Variants in GLT8D2 observed in about 807,000 individuals in gnomAD.
GLT8D2 encodes the protein glycosyltransferase 8 domain-containing protein 2.
GLT8D2 carries 45 observed loss-of-function variants against 44.5 expected under a neutral mutation model. The observed-to-expected ratio is 1.01, with a 90% CI of 0.80 to 1.30. The LOEUF (loss-of-function observed/expected upper bound fraction) is 1.30. Among genes scored for constraint, GLT8D2 ranks in the 50% most tolerant of loss-of-function variants. The pLI is 0.00. For synonymous variants in GLT8D2, 156 were observed against 157.2 expected (o/e 0.99, Z 0.06); for missense variants, 400 against 430.4 (o/e 0.93, Z 0.62).
upstream of GLT8D2, among the ~76,000 whole-genome samples, chr12:104,054,179 C>T (rs1392880756): frequency 6.6e-6 from 1 of 152,040 alleles, no homozygotes; most frequent in Non-Finnish European, 1.5e-5. Context: ...TTCCCCATCC[C>T]CTCACCCTAG....
At chr12:104,022,054 A>G (rs1283463019) in intron 1 of GLT8D2, among the ~76,000 whole-genome samples, 1 of 127,622 alleles carries the variant, frequency 7.8e-6, no homozygotes, top group African/African-American at 3.8e-5. Flanking sequence ...GAAGAAGAAG[A>G]AGGGAAAGAA....
At chr12:104,041,065 G>A (rs1009416556) in intron 1 of GLT8D2, among the ~76,000 whole-genome samples, 1 of 151,982 alleles carries the variant, frequency 6.6e-6, no homozygotes, top group African/African-American at 2.4e-5. Flanking sequence ...TCAGGAGTTC[G>A]AGACCAGCCT....
In GLT8D2 at chr12:104,014,770, G is replaced by T. The variant is rs138775577; in HGVS notation, c.112+243C>A. 3.3e-5 allele frequency among the ~76,000 whole-genome samples: 5 copies of T among 152,246 alleles called. No individual in the cohort carries two copies. In the East Asian group the frequency reaches 5.8e-4, roughly 18 times the overall value. On this transcript the variant is annotated intron_variant, in intron 4 of 10. Transcript: ENST00000360814. ...CTACTGATCCTACACCTCACGGGTG[G>T]GCCCAGTGCTGTGTTTTAACAAGCT...
chr12:104,063,292 C>T (rs887877343), intron 1 of GLT8D2, among the ~76,000 whole-genome samples: 72 of 152,196 alleles, frequency 4.7e-4, no homozygotes, highest in African/African-American at 1.7e-3. Flanking sequence ...AAAATCTACT[C>T]ATTTGGCATG....
Position 104,015,028 on chromosome 12 carries a change from G to T in GLT8D2, c.97C>A (p.Pro33Thr). 6.2e-7 allele frequency: 1 copy of T among 1,611,964 alleles called. No individual in the cohort carries two copies. The change falls in exon 4 of 11, where the codon CCC becomes ACC. Residue 33 changes from proline to threonine, a missense_variant. By Grantham distance (38) the Pro-to-Thr change is conservative. Coordinates refer to ENST00000360814, the MANE Select transcript of GLT8D2 (RefSeq NM_001384711.1). ...LYKKVHKGTV[P>T]KNDADDESET... is the part of the protein sequence containing the mutation. Reference sequence around the variant, plus strand: ...GTCTGCTCACCTGCGTCATTCTTGGGCACAGTCCCCTTATGAACTTTCTTA... The same window carrying T: ...GTCTGCTCACCTGCGTCATTCTTGGTCACAGTCCCCTTATGAACTTTCTTA...
chr12:104,016,870 GAAA>G (rs1876918673), intron 3 of GLT8D2, among the ~76,000 whole-genome samples: 1 of 147,416 alleles, frequency 6.8e-6, no homozygotes, highest in African/African-American at 2.5e-5. Context: ...AAGAAAGAAA[GAAA>G]GAAAGAAAGA....
At chr12:104,004,962 C>G (rs968298321) in intron 4 of GLT8D2, among the ~76,000 whole-genome samples, 3 of 152,084 alleles carry the variant, frequency 2.0e-5, no homozygotes, top group African/African-American at 7.2e-5. Flanking sequence ...GGAGGCATCA[C>G]GCTACCTGAC....
At chr12:104,045,957 A>AAAAGAAAGAAAGAAAG (rs1566213383) in intron 1 of GLT8D2, among the ~76,000 whole-genome samples, 2 of 119,278 alleles carry the variant, frequency 1.7e-5, no homozygotes, top group African/African-American at 3.3e-5. Flanking sequence ...AAGAAAGAAA[A>AAAAGAAAGAAAGAAAG]TAAGAAAGAA....
intron 4 of GLT8D2, among the ~76,000 whole-genome samples, chr12:104,004,869 T>C (rs1367146767): frequency 1.3e-5 from 2 of 152,052 alleles, no homozygotes; most frequent in African/African-American, 4.8e-5. Context: ...TTCACAGAAT[T>C]GGAAAAAAAT....
chr12:104,003,375 T>C (rs761652590), intron 4 of GLT8D2, 69 bp from the exon 5 acceptor site: 7 of 1,332,446 alleles, frequency 5.3e-6, no homozygotes, highest in Non-Finnish European at 7.5e-6. Context: ...TAATGCATCT[T>C]CCATACTCCT....
Position 104,021,962 on chromosome 12 carries a change from AGAGGAAGAGGAAGAG to A in GLT8D2, c.-163-486_-163-472del, listed in dbSNP as rs1566202582. 4.7e-4 allele frequency among the ~76,000 whole-genome samples: 24 copies of A among 51,396 alleles called. 3 individuals carry two copies. Among genetic ancestry groups the A allele is most frequent in the Admixed American group, 6.9e-4 (3 of 4,376 alleles). The allele number at this position is 51,396 out of a possible 152,430, so 33.7% of individuals were successfully genotyped here. On this transcript the variant is annotated intron_variant, in intron 1 of 10. Transcript: ENST00000360814. ...AAGAAGAAGAAGAAGAAGAGGAAGA[AGAGGAAGAGGAAGAG>A]GAAGAGGAAGAAGAAGAAGAAGAAG...
intron 1 of GLT8D2, among the ~76,000 whole-genome samples, chr12:104,024,101 G>T (rs1593552920): frequency 6.6e-6 from 1 of 152,154 alleles, no homozygotes; most frequent in South Asian, 2.1e-4. Context: ...GCCAATCTAG[G>T]CTGGCTGCCG....
chr12:104,031,466 A>G lies in GLT8D2; in HGVS notation c.-163-9975T>C, dbSNP rs1468927548. Reference sequence around the variant, plus strand: ...CAAGAACTTGAAGCCTATCAAGCCCATGCAGTTTCTGGGGGATGAGGAGAC... The same window carrying G: ...CAAGAACTTGAAGCCTATCAAGCCCGTGCAGTTTCTGGGGGATGAGGAGAC... On this transcript the variant is annotated intron_variant, in intron 1 of 10. Coordinates refer to ENST00000360814, the MANE Select transcript of GLT8D2 (RefSeq NM_001384711.1). 16 of 1,613,188 alleles carry G rather than the reference A, an allele frequency of 9.9e-6. No individual in the cohort carries two copies. In the Admixed American group the frequency reaches 2.7e-4, roughly 27 times the overall value.
upstream of GLT8D2, among the ~76,000 whole-genome samples, chr12:104,050,580 G>A (rs1881614926): frequency 6.6e-6 from 1 of 152,140 alleles, no homozygotes; most frequent in Admixed American, 6.5e-5. Context: ...AATCAGAGAG[G>A]AATGAGGCAG....
chr12:104,021,956 G>GAGGAA (rs1877845952), intron 1 of GLT8D2, among the ~76,000 whole-genome samples: 3 of 25,960 alleles, frequency 1.2e-4, no homozygotes, highest in African/African-American at 1.7e-4. Flanking sequence ...AAGAAGAAGA[G>GAGGAA]GAAGAAGAGG....
intron 4 of GLT8D2, among the ~76,000 whole-genome samples, chr12:104,007,912 T>C (rs567951648): frequency 6.6e-6 from 1 of 152,326 alleles, no homozygotes; most frequent in African/African-American, 2.4e-5. Flanking sequence ...TTTGCATCTC[T>C]CACTTTCTCT....
At chr12:104,017,412 T>C (rs530951859) in intron 3 of GLT8D2, among the ~76,000 whole-genome samples, 1 of 152,312 alleles carries the variant, frequency 6.6e-6, no homozygotes, top group East Asian at 1.9e-4. Context: ...AACCTCTGCC[T>C]CCTGGATTCA....
chr12:104,058,455 T>A (rs1354870077), intron 1 of GLT8D2, among the ~76,000 whole-genome samples: 2 of 152,238 alleles, frequency 1.3e-5, no homozygotes, highest in Non-Finnish European at 2.9e-5. Context: ...AATATTAGTT[T>A]TGGGTTTTCC....
chr12:103,996,747 G>A lies in GLT8D2; in HGVS notation c.588C>T (p.Leu196=), dbSNP rs3817602. ...DLPSAQDINR[L]VGLQNTYMGY... ...AGCATATGCCCACCTGAAGTCCCAC[G>A]AGTCTGTTTATGTCCTGAGCAGAGG... is the stretch of plus-strand genomic sequence containing the variant. Residue 196 remains leucine (L), a synonymous_variant, in exon 8 of 11, where the codon CTC becomes CTT. Coordinates refer to ENST00000360814, the MANE Select transcript of GLT8D2 (RefSeq NM_001384711.1). 0.035 allele frequency: 56,691 copies of A among 1,612,234 alleles called. 2,854 individuals carry two copies. The highest frequency in any genetic ancestry group is 0.2 in the African/African-American group (15,343 of 74,912).
Sources: allele counts gnomAD v4.1 joint callset (sites outside exome capture counted in the v4.1 genomes callset), GRCh38; gene constraint gnomAD v4.1.1; transcripts MANE v1.5; gene names NCBI Gene and HGNC (gene_info 2026-07-23, HGNC 2026-07-21).